SULT1C2: variants seen among roughly 807,000 people sequenced by gnomAD.
SULT1C2 encodes sulfotransferase family 1C member 2.
SULT1C2 carries 27 observed loss-of-function variants against 36.0 expected under a neutral mutation model. The ratio of observed to expected loss-of-function variants is 0.75; its 90% CI spans 0.55 to 1.03. The LOEUF (loss-of-function observed/expected upper bound fraction) is 1.03. Among genes scored for constraint, SULT1C2 ranks in the 50% least tolerant of loss-of-function variants. SULT1C2 has a pLI of 0.00. For synonymous variants in SULT1C2, 121 were observed against 116.0 expected, an observed-to-expected ratio of 1.04 and a Z score of -0.27; for missense variants, 395 against 359.2, an observed-to-expected ratio of 1.10 and a Z score of -0.80.
intron 4 of SULT1C2, 115 bp from the exon 5 acceptor site, chr2:108,304,459 A>G: frequency 8.4e-7 from 1 of 1,183,774 alleles, no homozygotes. Context: ...CAGGGCCAGC[A>G]CTGCAGAACT....
intron 7 of SULT1C2, among the ~76,000 whole-genome samples, chr2:108,306,123 T>TG (rs1423486763): frequency 6.6e-6 from 1 of 152,206 alleles, no homozygotes; most frequent in Non-Finnish European, 1.5e-5. Context: ...GCTCATAACT[T>TG]GGTCTTGACC....
At chr2:108,299,191 T>C (rs965633511) in intron 3 of SULT1C2, 1 of 152,276 alleles carries the variant, frequency 6.6e-6, no homozygotes, top group Admixed American at 6.5e-5. Flanking sequence ...AACTGAGCAC[T>C]GGGTGTCCAG....
rs1265397231 is a variant in SULT1C2 at position 108,309,860 on chromosome 2, G to A, written c.*1396G>A. 2 of 152,134 alleles carry A rather than the reference G, an allele frequency of 1.3e-5. No homozygotes were observed. Among genetic ancestry groups the A allele is most frequent in the Admixed American group, 6.5e-5 (1 of 15,288 alleles). The allele number at this position is 152,134 out of a possible 1,614,324, so 9.4% of individuals were successfully genotyped here. A position where few individuals can be genotyped will look rare whatever the true frequency, so the allele number is the denominator to read the frequency against. ...CTGAGTTTTAACTATATGTATATGA[G>A]CTTCAAATAAGCACCTTTTTATTAT... is the stretch of plus-strand genomic sequence containing the variant. On this transcript the variant is annotated 3_prime_UTR_variant, in exon 8 of 8. Transcript: ENST00000251481.
chr2:108,301,001 C>T, intron 4 of SULT1C2, 66 bp downstream of exon 4: 1 of 1,589,500 alleles, frequency 6.3e-7, no homozygotes, highest in East Asian at 2.2e-5. Context: ...TCCTGCAGAC[C>T]CCAACGCAGA....
Position 108,293,710 on chromosome 2 carries a change from G to A in SULT1C2, c.43G>A (p.Glu15Lys). The A allele has an allele frequency of 6.2e-7, 1 of 1,614,084 alleles. No individual in the cohort carries two copies. The highest frequency in any genetic ancestry group is 8.5e-7 in the Non-Finnish European group (1 of 1,180,002). ...CCTGGGGAAACAGATAAAACTGAAAGAGGTGGAGGGGACCCTCCTGCAGCC... is the reference window on the plus strand; with the variant it reads ...CCTGGGGAAACAGATAAAACTGAAAAAGGTGGAGGGGACCCTCCTGCAGCC... Reference protein sequence around the residue: ...SDLGKQIKLKEVEGTLLQPAT... With the variant: ...SDLGKQIKLKKVEGTLLQPAT... The change falls in exon 2 of 8, where the codon GAG (glutamate) becomes AAG (lysine). Residue 15 changes from glutamate (E) to lysine (K), a missense_variant. Glu to Lys is a moderately conservative substitution (Grantham distance 56, BLOSUM62 1). Coordinates refer to ENST00000251481, the MANE Select transcript of SULT1C2 (RefSeq NM_001056.4).
intron 1 of SULT1C2, among the ~76,000 whole-genome samples, chr2:108,290,568 G>C (rs1207385703): frequency 1.3e-5 from 2 of 152,274 alleles, no homozygotes; most frequent in East Asian, 3.9e-4. Flanking sequence ...TGGCTGAAAA[G>C]TCCAAGAGCA....
Position 108,305,528 on chromosome 2 carries a change from C to G in SULT1C2, c.711C>G (p.Pro237=). 6.2e-7 allele frequency: 1 copy of G among 1,614,128 alleles called. No homozygotes were observed. Among genetic ancestry groups the G allele is most frequent in the Non-Finnish European group, 8.5e-7 (1 of 1,180,018 alleles). Residue 237 remains proline (P), a synonymous_variant, in exon 7 of 8, where the codon CCC becomes CCG. Transcript: ENST00000251481. ...CATTTGAGAAAATGAAAGAAAATCC[C>G]ATGACAAATCGTTCTACAGTTTCCA... The part of the protein sequence containing the change: ...ETSFEKMKEN[P]MTNRSTVSKS...
intron 4 of SULT1C2, chr2:108,303,313 C>T (rs1173024056): frequency 6.5e-6 from 1 of 152,740 alleles, no homozygotes; most frequent in Non-Finnish European, 1.5e-5. Context: ...GCATGTCACA[C>T]AGAGCCTCAC....
intron 1 of SULT1C2, among the ~76,000 whole-genome samples, chr2:108,292,872 T>C (rs2104411833): frequency 6.6e-6 from 1 of 152,292 alleles, no homozygotes; most frequent in African/African-American, 2.4e-5. Context: ...TTTCCATCAA[T>C]AGATGACTGG....
In SULT1C2 at chr2:108,304,841, C is replaced by T. The variant is rs1676982089; in HGVS notation, c.502+141C>T. 9.2e-6 allele frequency: 11 copies of T among 1,190,010 alleles called. No homozygotes were observed. The South Asian group carries it at 1.6e-4, about 17-fold the overall frequency. The allele number at this position is 1,190,010 out of a possible 1,614,324, so 73.7% of individuals were successfully genotyped here. ...ACAGACTGGGACTGGGCAGAGCAAG[C>T]TGGCCACTGAGTGTATGCCCACAGC... On this transcript the variant is annotated intron_variant, in intron 5 of 7. Transcript: ENST00000251481.
intron 3 of SULT1C2, chr2:108,298,603 A>G: frequency 3.1e-6 from 1 of 318,698 alleles, no homozygotes; most frequent in South Asian, 2.4e-5. Context: ...GCTGGTCTCA[A>G]ACTCCTGAGC....
intron 5 of SULT1C2, 29 bp from the exon 6 acceptor site, chr2:108,305,143 G>A: frequency 6.2e-7 from 1 of 1,612,980 alleles, no homozygotes; most frequent in Non-Finnish European, 8.5e-7. Flanking sequence ...TGCCTATGTA[G>A]ACTATTCTGT....
chr2:108,297,458 T>C lies in SULT1C2; in HGVS notation c.277+3104T>C, dbSNP rs79520588. Among the ~76,000 whole-genome samples the C allele has an allele frequency of 8.6e-3, 1,308 of 152,312 alleles. 24 individuals carry two copies. Among genetic ancestry groups the C allele is most frequent in the African/African-American group, 0.03 (1,253 of 41,562 alleles). ...AATTGATTTATCCCTCACAGCCACA[T>C]GCAATTTGGCTCAAATCCCAAGGCT... On this transcript the variant is annotated intron_variant, in intron 3 of 7. Coordinates refer to ENST00000251481, the MANE Select transcript of SULT1C2 (RefSeq NM_001056.4).
At chr2:108,304,471 A>T in intron 4 of SULT1C2, 103 bp from the exon 5 acceptor site, 2 of 1,371,644 alleles carry the variant, frequency 1.5e-6, no homozygotes, top group Middle Eastern at 3.8e-4. Flanking sequence ...TGCAGAACTG[A>T]GCCAGAGTGC....
At chr2:108,295,770 G>A (rs547497943) in intron 3 of SULT1C2, among the ~76,000 whole-genome samples, 1 of 152,288 alleles carries the variant, frequency 6.6e-6, no homozygotes, top group South Asian at 2.1e-4. Flanking sequence ...ATGACCCCAT[G>A]TGTTCCCTGA....
In SULT1C2 at chr2:108,308,420, A is replaced by G; in HGVS notation, c.847A>G (p.Arg283Gly). 6.2e-7 allele frequency: 1 copy of G among 1,612,846 alleles called. No individual in the cohort carries two copies. The highest frequency in any genetic ancestry group is 1.1e-5 in the South Asian group (1 of 90,786). ...QNERFDEIYR[R>G]KMEGTSINFC... ...TGAGAGGTTTGATGAAATCTATAGA[A>G]GAAAGATGGAAGGAACCTCCATAAA... Residue 283 changes from arginine (R) to glycine (G), a missense_variant, in exon 8 of 8, where the codon AGA (arginine) becomes GGA (glycine). Physicochemically the swap from Arg to Gly is moderately radical, Grantham distance 125 (BLOSUM62 -2). Transcript: ENST00000251481.
Position 108,304,651 on chromosome 2 carries a change from T to C in SULT1C2, c.453T>C (p.Pro151=), listed in dbSNP as rs1421631651. 3.1e-6 allele frequency: 5 copies of C among 1,614,016 alleles called. No homozygotes were observed. The highest frequency in any genetic ancestry group is 4.2e-6 in the Non-Finnish European group (5 of 1,179,954). ...YHFQRMNHML[P]DPGTWEEYFE... The stretch of plus-strand genomic sequence containing the variant: ...TCCAAAGGATGAACCACATGCTTCC[T>C]GACCCTGGTACCTGGGAAGAGTATT... Residue 151 remains proline, a synonymous_variant, in exon 5 of 8, where the codon CCT becomes CCC. Transcript: ENST00000251481.
intron 7 of SULT1C2, among the ~76,000 whole-genome samples, chr2:108,306,507 G>A (rs1298255933): frequency 6.6e-6 from 1 of 152,180 alleles, no homozygotes; most frequent in Non-Finnish European, 1.5e-5. Flanking sequence ...AGGAGGCTAA[G>A]GTGGGAGGAG....
intron 4 of SULT1C2, chr2:108,303,204 G>A (rs1368261017): frequency 6.6e-6 from 1 of 152,312 alleles, no homozygotes; most frequent in Non-Finnish European, 1.5e-5. Context: ...TAAAGGGCCT[G>A]GGACTTGATA....
Sources: gnomAD v4.1 joint callset for allele counts (sites outside exome capture counted in the v4.1 genomes callset) on GRCh38, gnomAD v4.1.1 for gene constraint, MANE v1.5 for transcripts, NCBI Gene and HGNC (gene_info 2026-07-23, HGNC 2026-07-21) for gene names.